Variants in SFXN4 observed in about 807,000 individuals in gnomAD.
The protein encoded by SFXN4 is sideroflexin 4.
In SFXN4, 48 loss-of-function variants were observed where a neutral mutation model predicts 54.6. The observed-to-expected ratio is 0.88, with a 90% CI of 0.70 to 1.12. The LOEUF is 1.12. Ranked by LOEUF, SFXN4 falls within the 50% of genes most tolerant of loss-of-function variation. The probability of loss-of-function intolerance (pLI) is 0.00; values close to 1 mark genes in which losing one functional copy is unlikely to be tolerated. For synonymous variants in SFXN4, 130 were observed against 145.5 expected (o/e 0.89, Z 0.77); for missense variants, 383 against 409.2 (o/e 0.94, Z 0.55).
intron 11 of SFXN4, among the ~76,000 whole-genome samples, chr10:119,149,791 G>A (rs1170280069): frequency 6.6e-6 from 1 of 152,178 alleles, no homozygotes. Flanking sequence ...GGGATATAAA[G>A]TAAAATTGCT....
In SFXN4 at chr10:119,165,686, C is replaced by T; in HGVS notation, c.-39G>A. The T allele has an allele frequency of 1.3e-6, 2 of 1,481,594 alleles. No individual in the cohort carries two copies. Among genetic ancestry groups the T allele is most frequent in the Admixed American group, 2.2e-5 (1 of 44,758 alleles). The allele number at this position is 1,481,594 out of a possible 1,614,324, so 91.8% of individuals were successfully genotyped here. ...GAGTGGCCGCCGCCGCCAGGCCGCG[C>T]GTGGAGGAGGAGCCGGGCGGCGAGC... On this transcript the variant is annotated 5_prime_UTR_variant, in exon 1 of 14. Transcript: ENST00000355697.
chr10:119,163,877 C>T (rs1393555857), intron 2 of SFXN4, among the ~76,000 whole-genome samples: 3 of 151,754 alleles, frequency 2.0e-5, no homozygotes, highest in Admixed American at 6.6e-5. Flanking sequence ...CCCGTCTCTA[C>T]TAAAAATACA....
At chr10:119,142,500 T>C (rs1268553281) in intron 13 of SFXN4, among the ~76,000 whole-genome samples, 1 of 151,184 alleles carries the variant, frequency 6.6e-6, no homozygotes. Context: ...CCTTATCTCA[T>C]CTAAGCACCT....
At position 119,164,121 on chromosome 10, in the gene SFXN4, C is replaced by G. The variant is rs554173716; in HGVS notation, c.177+10G>C. 7.0e-7 allele frequency: 1 copy of G among 1,435,568 alleles called. No homozygotes were observed. The highest frequency in any genetic ancestry group is 9.5e-7 in the Non-Finnish European group (1 of 1,058,062). 88.9% of individuals were successfully genotyped at this position (1,435,568 alleles called of 1,614,324 possible). On this transcript the variant is annotated intron_variant, in intron 2 of 13. Coordinates refer to ENST00000355697, the MANE Select transcript of SFXN4 (RefSeq NM_213649.2). ...ATGTGAAATTCATTAGCTCTGAAAA[C>G]AATACTTACAACTGAAATGAACACA...
intron 9 of SFXN4, 145 bp downstream of exon 9, chr10:119,157,523 G>C (rs1209047652): frequency 1.6e-6 from 1 of 629,656 alleles, no homozygotes; most frequent in Non-Finnish European, 2.8e-6. Context: ...GATTATTTTG[G>C]GATAATACAA....
intron 13 of SFXN4, among the ~76,000 whole-genome samples, chr10:119,141,800 G>A (rs1001301939): frequency 2.0e-5 from 3 of 152,212 alleles, no homozygotes; most frequent in Non-Finnish European, 4.4e-5. Context: ...GGGAGGCTGA[G>A]GCAGGTAGAT....
At chr10:119,153,337 GGAGGTTGA>G (rs2133596618) in intron 11 of SFXN4, among the ~76,000 whole-genome samples, 1 of 137,394 alleles carries the variant, frequency 7.3e-6, no homozygotes, top group South Asian at 2.5e-4. Flanking sequence ...CCTGAGCCTG[GGAGGTTGA>G]GGCTGTAGAG....
chr10:119,162,561 T>C (rs1056522938), intron 2 of SFXN4, 147 bp from the exon 3 acceptor site: 16 of 660,334 alleles, frequency 2.4e-5, no homozygotes, highest in Middle Eastern at 4.9e-4. Context: ...CTAGGCTCTC[T>C]ATCCATTAGG....
chr10:119,159,761 GA>G lies in SFXN4; in HGVS notation c.335-9del. 6.2e-7 allele frequency: 1 copy of G among 1,613,560 alleles called. No homozygotes were observed. Among genetic ancestry groups the G allele is most frequent in the Non-Finnish European group, 8.5e-7 (1 of 1,179,576 alleles). On this transcript the variant is annotated splice_polypyrimidine_tract_variant and intron_variant, in intron 5 of 13. Transcript: ENST00000355697. Reference sequence around the variant, plus strand: ...CCATGAAAGGCAGGAACGCTGGCAGGAAGAGAAGAGAGGAGGTGTCAGTGAT... The same window carrying G: ...CCATGAAAGGCAGGAACGCTGGCAGGAGAGAAGAGAGGAGGTGTCAGTGAT...
At chr10:119,141,391 C>A (rs1846516717) in intron 13 of SFXN4, 72 bp from the exon 14 acceptor site, 1 of 913,282 alleles carries the variant, frequency 1.1e-6, no homozygotes, top group Non-Finnish European at 1.7e-6. Flanking sequence ...TTAAAAAAAT[C>A]ATTTTCTGAA....
chr10:119,157,585 A>G lies in SFXN4; in HGVS notation c.537+83T>C, dbSNP rs1328593499. On this transcript the variant is annotated intron_variant, in intron 9 of 13. Coordinates refer to ENST00000355697, the MANE Select transcript of SFXN4 (RefSeq NM_213649.2). Reference sequence around the variant, plus strand: ...ATATTTTCTAAATTGTTTAAATTGGAACATAAATTTGTAATTGGAATAAAT... The same window carrying G: ...ATATTTTCTAAATTGTTTAAATTGGGACATAAATTTGTAATTGGAATAAAT... 5.4e-6 allele frequency: 6 copies of G among 1,115,074 alleles called. No individual in the cohort carries two copies. The Admixed American group carries it at 1.4e-4, about 27-fold the overall frequency. The allele number at this position is 1,115,074 out of a possible 1,614,324, so 69.1% of individuals were successfully genotyped here. A position where few individuals can be genotyped will look rare whatever the true frequency, so the allele number is the denominator to read the frequency against.
In SFXN4 at chr10:119,162,355, G is replaced by C; in HGVS notation, c.237C>G (p.Ala79=). The change falls in exon 3 of 14, where the codon GCC becomes GCG. Residue 79 remains alanine, a synonymous_variant. Coordinates refer to ENST00000355697, the MANE Select transcript of SFXN4 (RefSeq NM_213649.2). ...LCTNEDVSSP[A]SADQRIQEAW... ...TGAAACATACCCTTTGGTCCGCCGA[G>C]GCAGGGCTGGAAACATCTTCATTTG... is the stretch of plus-strand genomic sequence containing the variant. 3 of 1,614,094 alleles carry C rather than the reference G, an allele frequency of 1.9e-6. No homozygotes were observed. Among genetic ancestry groups the C allele is most frequent in the Non-Finnish European group, 2.5e-6 (3 of 1,179,994 alleles).
intron 6 of SFXN4, among the ~76,000 whole-genome samples, chr10:119,158,642 A>T (rs1190320074): frequency 7.9e-5 from 11 of 138,512 alleles, no homozygotes; most frequent in African/African-American, 2.4e-4. Flanking sequence ...AAAAAAAAAG[A>T]AGTACACATT....
At position 119,165,650 on chromosome 10, in the gene SFXN4, T is replaced by G. The variant is rs1029235090; in HGVS notation, c.-3A>C. The G allele has an allele frequency of 6.3e-7, 1 of 1,580,430 alleles. No homozygotes were observed. The highest frequency in any genetic ancestry group is 1.4e-5 in the African/African-American group (1 of 71,212). ...TCCTCCTCCTGTTCCAGGGACATTT[T>G]GCGCTGGTTAGAGTGGCCGCCGCCG... On this transcript the variant is annotated 5_prime_UTR_variant, in exon 1 of 14. Coordinates refer to ENST00000355697, the MANE Select transcript of SFXN4 (RefSeq NM_213649.2).
chr10:119,141,104 G>A lies in SFXN4; in HGVS notation c.*138C>T. ...AGACGCCAGCCTGGGAACGATCTCA[G>A]TATGGAATCTGAAGTCGCCTTGTCA... On this transcript the variant is annotated 3_prime_UTR_variant, in exon 14 of 14. Transcript: ENST00000355697. The A allele has an allele frequency of 1.6e-6, 1 of 618,212 alleles. No individual in the cohort carries two copies. The highest frequency in any genetic ancestry group is 2.9e-6 in the Non-Finnish European group (1 of 344,416). The allele number at this position is 618,212 out of a possible 1,614,324, so 38.3% of individuals were successfully genotyped here.
rs1306491835 is a variant in SFXN4 at position 119,146,268 on chromosome 10, A to T, written c.904T>A (p.Phe302Ile). The change falls in exon 13 of 14, where the codon TTT (phenylalanine) becomes ATT (isoleucine). Residue 302 changes from phenylalanine to isoleucine, a missense_variant. Physicochemically the swap from Phe to Ile is conservative, Grantham distance 21. Coordinates refer to ENST00000355697, the MANE Select transcript of SFXN4 (RefSeq NM_213649.2). ...TVLAMGLMVP[F>I]SFSIFPQIGQ... ...ATCTGTGGAAATATACTAAAAGAAA[A>T]TGGCACCATCAGTCCCATTGCCAGG... is the stretch of plus-strand genomic sequence containing the variant. The T allele has an allele frequency of 6.2e-7, 1 of 1,612,130 alleles. No homozygotes were observed. The highest frequency in any genetic ancestry group is 8.5e-7 in the Non-Finnish European group (1 of 1,178,686).
chr10:119,147,996 C>A, intron 11 of SFXN4, 136 bp from the exon 12 acceptor site: 1 of 621,064 alleles, frequency 1.6e-6, no homozygotes, highest in Non-Finnish European at 2.8e-6. Context: ...CATGGTGAAA[C>A]CCTGTCTCTA....
In SFXN4 at chr10:119,159,727, C is replaced by A; in HGVS notation, c.360+1G>T. On this transcript the variant is annotated splice_donor_variant, in intron 6 of 13. Coordinates refer to ENST00000355697, the MANE Select transcript of SFXN4 (RefSeq NM_213649.2). LOFTEE classifies it high-confidence loss of function. ...CTAACGGCAAATGTCTGCTTGCTCACCGTGGGTGCCATGAAAGGCAGGAAC... is the reference window on the plus strand; with the variant it reads ...CTAACGGCAAATGTCTGCTTGCTCAACGTGGGTGCCATGAAAGGCAGGAAC... 1.2e-6 allele frequency: 2 copies of A among 1,614,004 alleles called. No homozygotes were observed. Among genetic ancestry groups the A allele is most frequent in the Non-Finnish European group, 1.7e-6 (2 of 1,179,970 alleles).
chr10:119,156,150 C>G (rs946849512), intron 10 of SFXN4, among the ~76,000 whole-genome samples: 1 of 152,150 alleles, frequency 6.6e-6, no homozygotes, highest in African/African-American at 2.4e-5. Context: ...GGGCCAGGCG[C>G]GGTGGCTCAT....
Sources: gnomAD v4.1 joint callset for allele counts (sites outside exome capture counted in the v4.1 genomes callset) on GRCh38, gnomAD v4.1.1 for gene constraint, MANE v1.5 for transcripts, NCBI Gene and HGNC (gene_info 2026-07-23, HGNC 2026-07-21) for gene names.